Variants in PLD5 observed in about 807,000 individuals in gnomAD.
PLD5 encodes inactive phospholipase D5.
PLD5 carries 36 observed loss-of-function variants against 61.1 expected under a neutral mutation model. The ratio of observed to expected loss-of-function variants is 0.59; its 90% confidence interval spans 0.45 to 0.78. PLD5 has a LOEUF of 0.78. PLD5 is among the 30% of genes least tolerant of loss of function. The pLI is 0.00. For synonymous variants in PLD5, 243 were observed against 242.8 expected, an observed-to-expected ratio of 1.00 and a Z score of -0.01; for missense variants, 515 against 644.4, an observed-to-expected ratio of 0.80 and a Z score of 2.17.
intron 5 of PLD5, among the ~76,000 whole-genome samples, chr1:242,162,498 C>A (rs1416763949): frequency 6.6e-6 from 1 of 152,058 alleles, no homozygotes; most frequent in Non-Finnish European, 1.5e-5. Context: ...TAGCCCAAAT[C>A]CCCAGGAAGC....
At chr1:242,201,024 T>C in intron 5 of PLD5, among the ~76,000 whole-genome samples, 1 of 152,220 alleles carries the variant, frequency 6.6e-6, no homozygotes, top group East Asian at 1.9e-4. Context: ...TGGATGAGTA[T>C]TTTCAGGCAG....
At chr1:242,326,969 G>A (rs1455800472) in intron 2 of PLD5, among the ~76,000 whole-genome samples, 26 of 151,920 alleles carry the variant, frequency 1.7e-4, no homozygotes, top group African/African-American at 5.1e-4. Context: ...AGATTCAAGC[G>A]ATTCTCCTGC....
chr1:242,185,254 A>G (rs1667796531), intron 5 of PLD5, among the ~76,000 whole-genome samples: 1 of 152,194 alleles, frequency 6.6e-6, no homozygotes, highest in Non-Finnish European at 1.5e-5. Flanking sequence ...TGCCAAATGC[A>G]ATGGGAACCT....
intron 2 of PLD5, among the ~76,000 whole-genome samples, chr1:242,305,344 T>C (rs1036080187): frequency 6.6e-6 from 1 of 152,232 alleles, no homozygotes; most frequent in African/African-American, 2.4e-5. Context: ...TGTTATTTCC[T>C]GTACACACAT....
chr1:242,379,947 T>C (rs1662187254), intron 1 of PLD5, among the ~76,000 whole-genome samples: 1 of 152,176 alleles, frequency 6.6e-6, no homozygotes, highest in African/African-American at 2.4e-5. Context: ...CACACTAACA[T>C]ATTAATGGGT....
intron 5 of PLD5, among the ~76,000 whole-genome samples, chr1:242,190,645 G>A (rs953415979): frequency 4.0e-5 from 6 of 151,872 alleles, no homozygotes; most frequent in African/African-American, 1.2e-4. Flanking sequence ...ACTTTGGGGG[G>A]CCGAGGTAGG....
Position 242,449,305 on chromosome 1 carries a change from C to A in PLD5, c.189+74783G>T, listed in dbSNP as rs868617594. The A allele has an allele frequency of 4.2e-5, 65 of 1,535,806 alleles. No homozygotes were observed. In the Middle Eastern group the frequency reaches 1.0e-3, roughly 24 times the overall value. The stretch of plus-strand genomic sequence containing the variant: ...TTTTCACCAGCAGAGGCTAAGAATT[C>A]TTTCCCAGGTAACACACTAGGTCTG... On this transcript the variant is annotated intron_variant, in intron 1 of 9. Transcript: ENST00000536534.
chr1:242,113,239 G>A (rs547806541), intron 7 of PLD5, among the ~76,000 whole-genome samples: 6 of 151,958 alleles, frequency 3.9e-5, no homozygotes, highest in South Asian at 2.1e-4. Flanking sequence ...ACAGGCACCC[G>A]CCACCACACC....
chr1:242,191,260 T>G (rs540074758), intron 5 of PLD5, among the ~76,000 whole-genome samples: 1 of 152,140 alleles, frequency 6.6e-6, no homozygotes, highest in South Asian at 2.1e-4. Context: ...TTGAGAAAGT[T>G]AAGAGAGTTT....
At chr1:242,351,368 T>A (rs1237702780) in intron 1 of PLD5, among the ~76,000 whole-genome samples, 1 of 152,254 alleles carries the variant, frequency 6.6e-6, no homozygotes, top group African/African-American at 2.4e-5. Context: ...AAATCTCATC[T>A]TGAATTGTAG....
intron 4 of PLD5, among the ~76,000 whole-genome samples, chr1:242,262,545 G>C (rs1673434243): frequency 6.6e-6 from 1 of 152,160 alleles, no homozygotes; most frequent in Non-Finnish European, 1.5e-5. Context: ...TAGCTGTGTG[G>C]AAGATCAGAT....
chr1:242,517,632 G>A (rs538502217), intron 1 of PLD5, among the ~76,000 whole-genome samples: 1 of 152,102 alleles, frequency 6.6e-6, no homozygotes, highest in South Asian at 2.1e-4. Flanking sequence ...CTTGAAGGCA[G>A]TATTCTTACA....
chr1:242,408,484 G>A (rs543960504), intron 1 of PLD5, among the ~76,000 whole-genome samples: 1 of 152,280 alleles, frequency 6.6e-6, no homozygotes, highest in South Asian at 2.1e-4. Flanking sequence ...TGATGAGTGA[G>A]TTCTCTGAGT....
chr1:242,175,233 T>C lies in PLD5; in HGVS notation c.735+44755A>G, dbSNP rs181021904. Among the ~76,000 whole-genome samples the C allele has an allele frequency of 3.9e-5, 6 of 152,222 alleles. No homozygotes were observed. In the East Asian group the frequency reaches 1.2e-3, roughly 29 times the overall value. ...TACTGACAAACCAAATCCAGCAGCATATGAAAAAGCGTATCCACCACGATC... is the reference window on the plus strand; with the variant it reads ...TACTGACAAACCAAATCCAGCAGCACATGAAAAAGCGTATCCACCACGATC... On this transcript the variant is annotated intron_variant, in intron 5 of 9. Coordinates refer to ENST00000536534, the MANE Select transcript of PLD5 (RefSeq NM_001372062.1).
chr1:242,346,408 C>T (rs928757922), intron 2 of PLD5, among the ~76,000 whole-genome samples: 1 of 152,026 alleles, frequency 6.6e-6, no homozygotes, highest in Non-Finnish European at 1.5e-5. Context: ...TTCGAGTTTG[C>T]ATTTAAAATA....
chr1:242,171,163 G>C lies in PLD5; in HGVS notation c.736-46498C>G. 2.0e-5 allele frequency among the ~76,000 whole-genome samples: 3 copies of C among 152,320 alleles called. No individual in the cohort carries two copies. The Middle Eastern group carries it at 0.01, about 518-fold the overall frequency. On this transcript the variant is annotated intron_variant, in intron 5 of 9. Coordinates refer to ENST00000536534, the MANE Select transcript of PLD5 (RefSeq NM_001372062.1). ...AGAAAGGTCATGTTATCCACAAAGG[G>C]AAGCTCATCAGACTAACAGTAGATC...
chr1:242,109,877 G>A (rs1469887684), intron 7 of PLD5, among the ~76,000 whole-genome samples: 1 of 151,744 alleles, frequency 6.6e-6, no homozygotes, highest in Admixed American at 6.6e-5. Context: ...GGTGATCATT[G>A]CACCTCTAAA....
In PLD5 at chr1:242,118,564, G is replaced by A. The variant is rs548511138; in HGVS notation, c.934-4538C>T. 5.9e-5 allele frequency among the ~76,000 whole-genome samples: 9 copies of A among 152,324 alleles called. No individual in the cohort carries two copies. In the South Asian group the frequency reaches 1.2e-3, roughly 21 times the overall value. On this transcript the variant is annotated intron_variant, in intron 6 of 9. Transcript: ENST00000536534. ...TATGCTCAATACATACTTATGGAAC[G>A]AATGTGAAAGTGCTTCATAAATGCA...
At chr1:242,218,626 A>T (rs1321250850) in intron 5 of PLD5, among the ~76,000 whole-genome samples, 1 of 152,234 alleles carries the variant, frequency 6.6e-6, no homozygotes, top group East Asian at 1.9e-4. Context: ...AGATTTTGTT[A>T]AAGAAAAGGG....
Sources: gnomAD v4.1 joint callset for allele counts (sites outside exome capture counted in the v4.1 genomes callset) on GRCh38, gnomAD v4.1.1 for gene constraint, MANE v1.5 for transcripts, NCBI Gene and HGNC (gene_info 2026-07-23, HGNC 2026-07-21) for gene names.